The following PCDHGB2 variants were observed in gnomAD, a reference collection of about 807,000 sequenced individuals.
PCDHGB2 encodes protocadherin gamma-B2.
In PCDHGB2, 55 loss-of-function variants were observed where a neutral mutation model predicts 59.3. That is an observed-to-expected ratio of 0.93 (90% CI 0.75 to 1.16). The LOEUF (loss-of-function observed/expected upper bound fraction) is 1.16, where lower values mean the gene tolerates loss of function less well. Ranked by LOEUF, PCDHGB2 falls within the 50% of genes most tolerant of loss-of-function variation. The pLI is 0.00. For missense variants in PCDHGB2, 1,228 were observed against 1,198.5 expected (o/e 1.02, Z -0.36); for synonymous variants, 516 against 512.0 (o/e 1.01, Z -0.11).
At chr5:141,375,793 C>G (rs761231690) in intron 1 of PCDHGB2, 1 of 1,614,110 alleles carries the variant, frequency 6.2e-7, no homozygotes, top group Non-Finnish European at 8.5e-7. Context: ...TCCCCACAGA[C>G]GGTTCCACTG....
intron 1 of PCDHGB2, chr5:141,395,395 T>TA: frequency 1.1e-6 from 1 of 906,424 alleles, no homozygotes; most frequent in Non-Finnish European, 1.6e-6. Flanking sequence ...AATTGAACTC[T>TA]AATAGTCATA....
At chr5:141,433,546 T>C (rs1317735935) in intron 1 of PCDHGB2, among the ~76,000 whole-genome samples, 1 of 152,090 alleles carries the variant, frequency 6.6e-6, no homozygotes, top group Non-Finnish European at 1.5e-5. Context: ...TATCAGATAT[T>C]CTTTTCTGGC....
chr5:141,365,463 A>G (rs906812137), intron 1 of PCDHGB2: 2 of 1,613,996 alleles, frequency 1.2e-6, no homozygotes, highest in South Asian at 1.1e-5. Flanking sequence ...GATTCTGGAG[A>G]AAATGGTGAG....
At chr5:141,424,960 C>T (rs1291822416) in intron 1 of PCDHGB2, among the ~76,000 whole-genome samples, 1 of 152,102 alleles carries the variant, frequency 6.6e-6, no homozygotes, top group African/African-American at 2.4e-5. Context: ...AGGTATTTGC[C>T]CCAAATTACT....
chr5:141,422,011 G>T (rs200879435), intron 1 of PCDHGB2: 2 of 1,610,252 alleles, frequency 1.2e-6, no homozygotes, highest in East Asian at 2.2e-5. Flanking sequence ...CGGAACTCGG[G>T]TGCTGATGGT....
Position 141,431,682 on chromosome 5 carries a change from A to C in PCDHGB2, c.2422-63125A>C. The C allele has an allele frequency of 1.2e-6, 2 of 1,614,232 alleles. No homozygotes were observed. Among genetic ancestry groups the C allele is most frequent in the Non-Finnish European group, 1.7e-6 (2 of 1,180,042 alleles). ...ACAATATCAACAATAGGGGAGTTGG[A>C]CCACGAGGAGTCAGGATTCTACCAG... On this transcript the variant is annotated intron_variant, in intron 1 of 3. Transcript: ENST00000522605. The surrounding 1 kb of genome is among the most constrained non-coding windows in gnomAD (Gnocchi z 4.8).
chr5:141,427,819 T>C, intron 1 of PCDHGB2: 1 of 1,531,664 alleles, frequency 6.5e-7, no homozygotes, highest in Non-Finnish European at 8.9e-7. Context: ...AGCGGGGTGG[T>C]GGTCGCGCAG....
intron 1 of PCDHGB2, among the ~76,000 whole-genome samples, chr5:141,465,785 T>G (rs564238782): frequency 6.6e-6 from 1 of 152,262 alleles, no homozygotes; most frequent in South Asian, 2.1e-4. Flanking sequence ...TACAGTTTTT[T>G]TTTTTTTAAG....
Position 141,476,239 on chromosome 5 carries a change from A to T in PCDHGB2, c.2422-18568A>T. ...TTCACTATGAGATCCCGGAGGAAAG[A>T]GAGAAGGGTTTCGCTGTGGGCAACG... is the stretch of plus-strand genomic sequence containing the variant. On this transcript the variant is annotated intron_variant, in intron 1 of 3. Coordinates refer to ENST00000522605, the MANE Select transcript of PCDHGB2 (RefSeq NM_018923.3). This position sits in a 1 kb window ranked among gnomAD's most constrained non-coding sequence, Gnocchi z 7.6. 1 of 1,613,826 alleles carries T rather than the reference A, an allele frequency of 6.2e-7. No homozygotes were observed. Among genetic ancestry groups the T allele is most frequent in the Non-Finnish European group, 8.5e-7 (1 of 1,179,996 alleles).
At chr5:141,417,628 A>T (rs2096139720) in intron 1 of PCDHGB2, 1 of 692,650 alleles carries the variant, frequency 1.4e-6, no homozygotes, top group Non-Finnish European at 2.3e-6. Context: ...GCAAGCGCTG[A>T]CGCCGGGGAT....
intron 1 of PCDHGB2, chr5:141,399,297 T>A (rs370898446): frequency 6.2e-7 from 1 of 1,613,830 alleles, no homozygotes; most frequent in African/African-American, 1.3e-5. Context: ...CTTTTAAGAT[T>A]ATCTCTTCAT....
chr5:141,430,805 C>T (rs1445689047), intron 1 of PCDHGB2: 2 of 1,525,722 alleles, frequency 1.3e-6, no homozygotes, highest in Admixed American at 2.3e-5. Flanking sequence ...GCTTGTCCTG[C>T]TGGGAATCCT....
Position 141,498,864 on chromosome 5 carries a change from C to T in PCDHGB2, c.2480+3999C>T, listed in dbSNP as rs1370263013. Among the ~76,000 whole-genome samples the T allele has an allele frequency of 2.7e-5, 4 of 149,532 alleles. No homozygotes were observed. The East Asian group carries it at 5.9e-4, about 22-fold the overall frequency. ...AGGGGAATCGCTTGAACCCAGGAGG[C>T]GGAGGTTGCAGTGAGCTGAGATCAC... On this transcript the variant is annotated intron_variant, in intron 2 of 3. Coordinates refer to ENST00000522605, the MANE Select transcript of PCDHGB2 (RefSeq NM_018923.3).
At chr5:141,393,171 G>C (rs768471669) in intron 1 of PCDHGB2, 10 of 1,613,150 alleles carry the variant, frequency 6.2e-6, no homozygotes, top group Admixed American at 1.7e-5. Context: ...CTTTGGGGTA[G>C]AAATAGAAAT....
rs774140980 is a variant in PCDHGB2, at chr5:141,420,167, T to G, written c.2421+57611T>G. On this transcript the variant is annotated intron_variant, in intron 1 of 3. Transcript: ENST00000522605. ...GAATCCAGAATTTAATTTTTTCACA[T>G]CTGTTGATCATTGTCCAGCCACACA... 3 of 1,614,082 alleles carry G rather than the reference T, an allele frequency of 1.9e-6. No homozygotes were observed. The South Asian group carries it at 3.3e-5, about 18-fold the overall frequency.
intron 1 of PCDHGB2, among the ~76,000 whole-genome samples, chr5:141,481,193 A>G (rs749746998): frequency 1.3e-5 from 2 of 152,216 alleles, no homozygotes; most frequent in Admixed American, 6.5e-5. Context: ...GCCAGGCCCA[A>G]TTTTTTTAAA....
At chr5:141,456,215 C>T (rs1465130067) in intron 1 of PCDHGB2, among the ~76,000 whole-genome samples, 2 of 152,048 alleles carry the variant, frequency 1.3e-5, no homozygotes, top group African/African-American at 2.4e-5. Flanking sequence ...CTCCCTGTGG[C>T]GATATCAAAC....
At chr5:141,388,018 C>A (rs528825785) in intron 1 of PCDHGB2, 2 of 1,460,562 alleles carry the variant, frequency 1.4e-6, no homozygotes, top group African/African-American at 2.9e-5. Flanking sequence ...CCCAAGGGCT[C>A]CGTAGTGGGG....
At chr5:141,498,679 C>T (rs1454800332) in intron 2 of PCDHGB2, among the ~76,000 whole-genome samples, 1 of 152,170 alleles carries the variant, frequency 6.6e-6, no homozygotes, top group African/African-American at 2.4e-5. Flanking sequence ...CGCCTGTAAT[C>T]CCAGCACTTT....
Sources: gnomAD v4.1 joint callset for allele counts (sites outside exome capture counted in the v4.1 genomes callset) on GRCh38, gnomAD v4.1.1 for gene constraint, Gnocchi (gnomAD v3.1) non-coding constraint, MANE v1.5 for transcripts, NCBI Gene and HGNC (gene_info 2026-07-23, HGNC 2026-07-21) for gene names.